TNR: variants seen among roughly 807,000 people sequenced by gnomAD.
TNR encodes tenascin-R.
A neutral mutation model predicts 150.4 loss-of-function variants in TNR; 45 were observed. That is an observed-to-expected ratio of 0.30 (90% confidence interval 0.24 to 0.38). TNR has a LOEUF of 0.38. Among genes scored for constraint, TNR ranks in the 10% least tolerant of loss-of-function variants. The pLI, the probability that TNR is intolerant of heterozygous loss-of-function variation, is 1.00. For synonymous variants in TNR, 687 were observed against 678.4 expected (o/e 1.01, Z -0.20); for missense variants, 1,544 against 1,759.1 (o/e 0.88, Z 2.19).
chr1:175,339,673 C>T (rs1650420578), intron 18 of TNR, among the ~76,000 whole-genome samples: 1 of 152,180 alleles, frequency 6.6e-6, no homozygotes, highest in Non-Finnish European at 1.5e-5. Context: ...TAGCTTACTC[C>T]TAAGGTATGC....
intron 1 of TNR, among the ~76,000 whole-genome samples, chr1:175,683,751 T>A (rs193149674): frequency 6.6e-6 from 1 of 152,194 alleles, no homozygotes; most frequent in African/African-American, 2.4e-5. Flanking sequence ...TATGTGAGGG[T>A]GTGTTTGAGG....
chr1:175,424,176 A>AC (rs1471398151), intron 2 of TNR, among the ~76,000 whole-genome samples: 1 of 152,198 alleles, frequency 6.6e-6, no homozygotes, highest in Non-Finnish European at 1.5e-5. Flanking sequence ...CTTTAAACCA[A>AC]CAAGTCCTTG....
intron 1 of TNR, among the ~76,000 whole-genome samples, chr1:175,626,084 C>T (rs1230186129): frequency 6.6e-6 from 1 of 152,170 alleles, no homozygotes; most frequent in Non-Finnish European, 1.5e-5. Flanking sequence ...GCTTCTTCCT[C>T]ATTCTCTCTT....
intron 18 of TNR, among the ~76,000 whole-genome samples, chr1:175,340,412 T>C (rs1184845511): frequency 6.6e-6 from 1 of 152,254 alleles, no homozygotes; most frequent in Non-Finnish European, 1.5e-5. Context: ...AGCAGCAACC[T>C]GGGATTTTCA....
At chr1:175,461,553 A>G (rs906114910) in intron 2 of TNR, among the ~76,000 whole-genome samples, 3 of 152,248 alleles carry the variant, frequency 2.0e-5, no homozygotes, top group African/African-American at 7.2e-5. Context: ...ATGAAAGAAC[A>G]GAAAACGAAA....
chr1:175,714,104 A>G (rs1667090630), intron 1 of TNR, among the ~76,000 whole-genome samples: 2 of 151,344 alleles, frequency 1.3e-5, no homozygotes, highest in Admixed American at 1.3e-4. Flanking sequence ...CTTCACTCCA[A>G]TAGCTGCCCT....
intron 1 of TNR, among the ~76,000 whole-genome samples, chr1:175,666,744 A>G (rs1665543377): frequency 6.6e-6 from 1 of 152,014 alleles, no homozygotes; most frequent in African/African-American, 2.4e-5. Flanking sequence ...TGCTCCCTAG[A>G]TTCGTTGTTG....
chr1:175,740,271 A>G (rs1036895184), intron 1 of TNR, among the ~76,000 whole-genome samples: 1 of 152,212 alleles, frequency 6.6e-6, no homozygotes, highest in African/African-American at 2.4e-5. Context: ...GCACAAACAC[A>G]AGTCAGAAAG....
chr1:175,333,575 T>G (rs1650057284), intron 20 of TNR: 1 of 152,260 alleles, frequency 6.6e-6, no homozygotes, highest in South Asian at 2.1e-4. Flanking sequence ...ATTCCATTAA[T>G]TCTTATCATT....
intron 2 of TNR, among the ~76,000 whole-genome samples, chr1:175,465,261 G>T (rs941490286): frequency 6.6e-6 from 1 of 152,154 alleles, no homozygotes; most frequent in South Asian, 2.1e-4. Context: ...ATCAAATGGG[G>T]ATAATGATGC....
chr1:175,490,767 G>C (rs745567934), intron 2 of TNR, among the ~76,000 whole-genome samples: 1 of 152,184 alleles, frequency 6.6e-6, no homozygotes, highest in Non-Finnish European at 1.5e-5. Flanking sequence ...TTACACTGTT[G>C]GTGGGAGTGA....
chr1:175,468,624 G>A (rs1657137866), intron 2 of TNR, among the ~76,000 whole-genome samples: 1 of 152,136 alleles, frequency 6.6e-6, no homozygotes, highest in Non-Finnish European at 1.5e-5. Context: ...AGACCAAGGG[G>A]ATACCTATGT....
At chr1:175,493,525 A>G (rs1424479536) in intron 2 of TNR, among the ~76,000 whole-genome samples, 7 of 152,368 alleles carry the variant, frequency 4.6e-5, no homozygotes, top group Admixed American at 3.9e-4. Flanking sequence ...GGAGAAGGTC[A>G]TCCCCCGGAT....
intron 2 of TNR, among the ~76,000 whole-genome samples, chr1:175,409,228 A>G (rs2102051330): frequency 6.6e-6 from 1 of 152,338 alleles, no homozygotes; most frequent in East Asian, 1.9e-4. Flanking sequence ...AAGTTTGTTT[A>G]TCTGATCCAT....
intron 2 of TNR, among the ~76,000 whole-genome samples, chr1:175,477,895 G>A (rs533021399): frequency 2.0e-5 from 3 of 152,276 alleles, no homozygotes; most frequent in South Asian, 2.1e-4. Context: ...ATCATCCTCG[G>A]GGGTATGGAT....
At chr1:175,712,338 G>A (rs909377423) in intron 1 of TNR, among the ~76,000 whole-genome samples, 8 of 152,144 alleles carry the variant, frequency 5.3e-5, no homozygotes, top group Non-Finnish European at 1.0e-4. Context: ...CACTTTAGAT[G>A]AATTGCTCTG....
chr1:175,491,587 C>A (rs1658250500), intron 2 of TNR, among the ~76,000 whole-genome samples: 1 of 149,602 alleles, frequency 6.7e-6, no homozygotes, highest in African/African-American at 2.5e-5. Context: ...AGATAATGCA[C>A]TTTCTACCAT....
intron 1 of TNR, among the ~76,000 whole-genome samples, chr1:175,560,132 A>G (rs1661362937): frequency 6.6e-6 from 1 of 152,232 alleles, no homozygotes; most frequent in South Asian, 2.1e-4. Context: ...AGGTATCCCC[A>G]GTCTGTACCT....
chr1:175,489,171 T>C (rs1294758503), intron 2 of TNR, among the ~76,000 whole-genome samples: 1 of 152,138 alleles, frequency 6.6e-6, no homozygotes, highest in East Asian at 1.9e-4. Context: ...TCCAAAAACT[T>C]AACAGTCCAA....
Sources: allele counts gnomAD v4.1 joint callset (sites outside exome capture counted in the v4.1 genomes callset), GRCh38; gene constraint gnomAD v4.1.1; transcripts MANE v1.5; gene names NCBI Gene and HGNC (gene_info 2026-07-23, HGNC 2026-07-21).